The following ZMYND10 variants were observed in gnomAD, a reference collection of about 807,000 sequenced individuals.
The protein encoded by ZMYND10 is zinc finger MYND domain-containing protein 10.
ZMYND10 carries 52 observed loss-of-function variants against 62.6 expected under a neutral mutation model. That is an observed-to-expected ratio of 0.83 (90% CI 0.67 to 1.05). The LOEUF (loss-of-function observed/expected upper bound fraction) is 1.05, where lower values mean the gene tolerates loss of function less well. Ranked by LOEUF, ZMYND10 falls within the 50% of genes least tolerant of loss-of-function variation. The pLI is 0.00. For missense variants in ZMYND10, 438 were observed against 543.3 expected (o/e 0.81, Z 1.93); for synonymous variants, 197 against 218.5 (o/e 0.90, Z 0.87).
chr3:50,341,352 G>A lies in ZMYND10; in HGVS notation c.*58C>T. 1 of 1,595,844 alleles carries A rather than the reference G, an allele frequency of 6.3e-7. No individual in the cohort carries two copies. The highest frequency in any genetic ancestry group is 8.6e-7 in the Non-Finnish European group (1 of 1,167,232). ...CTGGACCGTGATCTTGAGGTTCAGG[G>A]GTGCATTCTGGGTGGATTCCCTTGG... On this transcript the variant is annotated 3_prime_UTR_variant, in exon 12 of 12. Coordinates refer to ENST00000231749, the MANE Select transcript of ZMYND10 (RefSeq NM_015896.4).
Position 50,341,671 on chromosome 3 carries a change from G to A in ZMYND10, c.1150C>T (p.Leu384=). ...RWAETYRLDV[L]EAVAPERPRC... ...GGCCGCTCTGGAGCCACTGCCTCTAGCACATCCAGCCTGTAGGTCTCAGCC... is the reference window on the plus strand; with the variant it reads ...GGCCGCTCTGGAGCCACTGCCTCTAACACATCCAGCCTGTAGGTCTCAGCC... Residue 384 remains leucine, a synonymous_variant, in exon 11 of 12, where the codon CTA becomes TTA. Transcript: ENST00000231749. 6.2e-7 allele frequency: 1 copy of A among 1,614,228 alleles called. No homozygotes were observed. Among genetic ancestry groups the A allele is most frequent in the Middle Eastern group, 1.6e-4 (1 of 6,062 alleles).
chr3:50,342,032 C>T lies in ZMYND10; in HGVS notation c.982G>A (p.Asp328Asn). 1 of 1,614,178 alleles carries T rather than the reference C, an allele frequency of 6.2e-7. No individual in the cohort carries two copies. The highest frequency in any genetic ancestry group is 8.5e-7 in the Non-Finnish European group (1 of 1,180,032). ...TLTETQPPKK[D>N]LVLEQIPEIW... ...GTGCCTACCTGTTCCAACACCAGGTCCTTCTTAGGAGGCTGGGTTTCAGTT... is the reference window on the plus strand; with the variant it reads ...GTGCCTACCTGTTCCAACACCAGGTTCTTCTTAGGAGGCTGGGTTTCAGTT... Residue 328 changes from aspartate to asparagine, a missense_variant, in exon 9 of 12, where the codon GAC becomes AAC. Asp to Asn is a conservative substitution (Grantham distance 23). Coordinates refer to ENST00000231749, the MANE Select transcript of ZMYND10 (RefSeq NM_015896.4).
chr3:50,343,903 C>A (rs986988645), intron 2 of ZMYND10, 53 bp from the exon 3 acceptor site: 15 of 1,537,992 alleles, frequency 9.8e-6, no homozygotes, highest in Non-Finnish European at 1.3e-5. Flanking sequence ...CTTTGCCTGG[C>A]AACCCTCCCA....
chr3:50,344,462 G>A (rs1379116864), intron 2 of ZMYND10, among the ~76,000 whole-genome samples: 4 of 151,824 alleles, frequency 2.6e-5, no homozygotes. Flanking sequence ...GGGATTACAG[G>A]TGTGCACCAC....
intron 4 of ZMYND10, 32 bp downstream of exon 4, chr3:50,343,531 A>C (rs1703451644): frequency 6.2e-7 from 1 of 1,614,066 alleles, no homozygotes; most frequent in Non-Finnish European, 8.5e-7. Context: ...CTGACCCGGA[A>C]CTGTGGCCCA....
Position 50,341,287 on chromosome 3 carries a change from G to A in ZMYND10, c.*123C>T. 1 of 1,222,720 alleles carries A rather than the reference G, an allele frequency of 8.2e-7. No homozygotes were observed. The highest frequency in any genetic ancestry group is 1.2e-6 in the Non-Finnish European group (1 of 866,100). The allele number at this position is 1,222,720 out of a possible 1,614,324, so 75.7% of individuals were successfully genotyped here. On this transcript the variant is annotated 3_prime_UTR_variant, in exon 12 of 12. Transcript: ENST00000231749. The stretch of plus-strand genomic sequence containing the variant: ...AGATCGGTCAGCAGCTTTACCGCCC[G>A]CTCTGCTCTCCACTGCGGAGACTGG...
Position 50,343,008 on chromosome 3 carries a change from T to G in ZMYND10, c.610A>C (p.Ser204Arg), listed in dbSNP as rs1553720772. The change falls in exon 7 of 12, where the codon AGC becomes CGC. Residue 204 changes from serine to arginine, a missense_variant. Coordinates refer to ENST00000231749, the MANE Select transcript of ZMYND10 (RefSeq NM_015896.4). The stretch of plus-strand genomic sequence containing the variant: ...GTGCTAAGCATACGGCTCAAGGTGC[T>G]GAGAGAGAGGCTAGGGGCAGGGACG... Reference protein sequence around the residue: ...ITDCVDSLSLSTLSRMLSTHN... With the variant: ...ITDCVDSLSLRTLSRMLSTHN... The G allele has an allele frequency of 6.2e-7, 1 of 1,614,090 alleles. No individual in the cohort carries two copies. The highest frequency in any genetic ancestry group is 8.5e-7 in the Non-Finnish European group (1 of 1,179,970).
chr3:50,345,660 G>T lies in ZMYND10; in HGVS notation c.-81C>A. On this transcript the variant is annotated 5_prime_UTR_variant, in exon 1 of 12. Transcript: ENST00000231749. The surrounding 1 kb of genome is among the most constrained non-coding windows in gnomAD (Gnocchi z 5.0). ...CATTCGGGGACGACGGACCCCGACG[G>T]TGCCAAAGTCTGGGACAGGACAGTT... 1 of 1,541,868 alleles carries T rather than the reference G, an allele frequency of 6.5e-7. No individual in the cohort carries two copies. The highest frequency in any genetic ancestry group is 2.0e-5 in the Admixed American group (1 of 50,556).
Position 50,345,593 on chromosome 3 carries a change from T to A in ZMYND10, c.-14A>T. On this transcript the variant is annotated 5_prime_UTR_variant, in exon 1 of 12. Coordinates refer to ENST00000231749, the MANE Select transcript of ZMYND10 (RefSeq NM_015896.4). This position sits in a 1 kb window ranked among gnomAD's most constrained non-coding sequence, Gnocchi z 5.0. ...CAGGTCTCCCATATCGAGGCCGGGG[T>A]CCGGCGGATCCTGGGCAGCAGCCGG... The A allele has an allele frequency of 6.4e-7, 1 of 1,573,478 alleles. No individual in the cohort carries two copies. Among genetic ancestry groups the A allele is most frequent in the South Asian group, 1.2e-5 (1 of 85,816 alleles).
chr3:50,345,186 T>C lies in ZMYND10; in HGVS notation c.139A>G (p.Ile47Val), dbSNP rs780519054. The C allele has an allele frequency of 6.2e-7, 1 of 1,614,066 alleles. No homozygotes were observed. Among genetic ancestry groups the C allele is most frequent in the Non-Finnish European group, 8.5e-7 (1 of 1,179,988 alleles). ...CCCTGGCTGACTGTGGCATCGAGGA[T>C]GGCTTGCATGTTCAGCTTCTCCAGG... Reference protein sequence around the residue: ...ENLEKLNMQAILDATVSQGEP... With the variant: ...ENLEKLNMQAVLDATVSQGEP... The change falls in exon 2 of 12, where the codon ATC (isoleucine) becomes GTC (valine). Residue 47 changes from isoleucine (I) to valine (V), a missense_variant. Ile to Val is a conservative substitution (Grantham distance 29). Transcript: ENST00000231749. This position sits in a 1 kb window ranked among gnomAD's most constrained non-coding sequence, Gnocchi z 5.0.
intron 2 of ZMYND10, 82 bp from the exon 3 acceptor site, chr3:50,343,932 C>T (rs1427138463): frequency 2.1e-5 from 26 of 1,234,498 alleles, no homozygotes; most frequent in Non-Finnish European, 2.8e-5. Flanking sequence ...TCAGCTCAAC[C>T]CTGATATCCC....
chr3:50,343,909 T>C, intron 2 of ZMYND10, 59 bp from the exon 3 acceptor site: 1 of 1,508,618 alleles, frequency 6.6e-7, no homozygotes, highest in Non-Finnish European at 9.2e-7. Flanking sequence ...CTGGCAACCC[T>C]CCCATCCCCG....
At chr3:50,344,126 C>T in intron 2 of ZMYND10, 1 of 451,642 alleles carries the variant, frequency 2.2e-6, no homozygotes, top group Non-Finnish European at 4.1e-6. Flanking sequence ...CACCCTTATC[C>T]TCTGCCCGCC....
In ZMYND10 at chr3:50,342,571, T is replaced by C; in HGVS notation, c.701-2A>G. The C allele has an allele frequency of 1.2e-6, 2 of 1,610,814 alleles. No individual in the cohort carries two copies. Among genetic ancestry groups the C allele is most frequent in the Non-Finnish European group, 1.7e-6 (2 of 1,177,742 alleles). ...TGCCCTCGAACTGCTGCAGCTTGCCTGGGGAGAGGAACCAGCACACTGGGT... is the reference window on the plus strand; with the variant it reads ...TGCCCTCGAACTGCTGCAGCTTGCCCGGGGAGAGGAACCAGCACACTGGGT... On this transcript the variant is annotated splice_acceptor_variant, in intron 7 of 11. Transcript: ENST00000231749. LOFTEE classifies it high-confidence loss of function.
rs1304786019 is a variant in ZMYND10, at chr3:50,341,454, C to T, written c.1279G>A (p.Gly427Arg). ...TGGGCTGCCAGGACACAAGTCTTTC[C>T]ATGCTTTTCCCAGTGCTTGACTTGG... ...ECQVKHWEKH[G>R]KTCVLAAQGD... Residue 427 changes from glycine (G) to arginine (R), a missense_variant, in exon 12 of 12, where the codon GGA (glycine) becomes AGA (arginine). By Grantham distance (125) the Gly-to-Arg change is moderately radical. Transcript: ENST00000231749. 8 of 1,614,200 alleles carry T rather than the reference C, an allele frequency of 5.0e-6. No homozygotes were observed. The highest frequency in any genetic ancestry group is 6.8e-6 in the Non-Finnish European group (8 of 1,180,032).
Position 50,345,613 on chromosome 3 carries a change from A to T in ZMYND10, c.-34T>A. The T allele has an allele frequency of 6.4e-7, 1 of 1,553,096 alleles. No homozygotes were observed. Among genetic ancestry groups the T allele is most frequent in the Non-Finnish European group, 8.7e-7 (1 of 1,149,438 alleles). ...CGGGGTCCGGCGGATCCTGGGCAGC[A>T]GCCGGGGTGGGGATGCTGTCACATT... On this transcript the variant is annotated 5_prime_UTR_variant, in exon 1 of 12. Coordinates refer to ENST00000231749, the MANE Select transcript of ZMYND10 (RefSeq NM_015896.4). This position sits in a 1 kb window ranked among gnomAD's most constrained non-coding sequence, Gnocchi z 5.0.
Position 50,345,044 on chromosome 3 carries a change from G to T in ZMYND10, c.201+80C>A. The T allele has an allele frequency of 8.4e-7, 1 of 1,188,820 alleles. No individual in the cohort carries two copies. The highest frequency in any genetic ancestry group is 1.2e-6 in the Non-Finnish European group (1 of 815,150). 73.6% of individuals were successfully genotyped at this position (1,188,820 alleles called of 1,614,324 possible). ...ACAGGTGTACCAGGCCAGAGGGGAA[G>T]GGCACACAGGGGACTCCGGAGGGGT... is the stretch of plus-strand genomic sequence containing the variant. On this transcript the variant is annotated intron_variant, in intron 2 of 11. Coordinates refer to ENST00000231749, the MANE Select transcript of ZMYND10 (RefSeq NM_015896.4). The surrounding 1 kb of genome is among the most constrained non-coding windows in gnomAD (Gnocchi z 5.0).
rs760826410 is a variant in ZMYND10, at chr3:50,342,418, A to T, written c.852T>A (p.Phe284Leu). The change falls in exon 8 of 12, where the codon TTT (phenylalanine) becomes TTA (leucine). Residue 284 changes from phenylalanine to leucine, a missense_variant. Transcript: ENST00000231749. ...TGACCTTGAGTAGCCGTCCCTTGGCAAAACTTGTGAGGCAGTAGCGCGCCT... is the reference window on the plus strand; with the variant it reads ...TGACCTTGAGTAGCCGTCCCTTGGCTAAACTTGTGAGGCAGTAGCGCGCCT... ...EAQARYCLTS[F>L]AKGRLLKLRA... The T allele has an allele frequency of 1.3e-6, 2 of 1,593,084 alleles. No homozygotes were observed. Among genetic ancestry groups the T allele is most frequent in the Middle Eastern group, 1.7e-4 (1 of 5,962 alleles).
At chr3:50,343,955 G>C in intron 2 of ZMYND10, 105 bp from the exon 3 acceptor site, 3 of 1,022,268 alleles carry the variant, frequency 2.9e-6, no homozygotes, top group Non-Finnish European at 4.5e-6. Flanking sequence ...AACACTGCTG[G>C]GCCCCTAAAC....
Sources: gnomAD v4.1 joint callset for allele counts (sites outside exome capture counted in the v4.1 genomes callset) on GRCh38, gnomAD v4.1.1 for gene constraint, Gnocchi (gnomAD v3.1) non-coding constraint, MANE v1.5 for transcripts, NCBI Gene and HGNC (gene_info 2026-07-23, HGNC 2026-07-21) for gene names.